CAPS2: variants seen among roughly 807,000 people sequenced by gnomAD.
CAPS2 encodes calcyphosin-2.
In CAPS2, 98 loss-of-function variants were observed where a neutral mutation model predicts 86.5. The ratio of observed to expected loss-of-function variants is 1.13; its 90% CI spans 0.96 to 1.34. The LOEUF (loss-of-function observed/expected upper bound fraction) is 1.34. Ranked by LOEUF, CAPS2 falls within the 40% of genes most tolerant of loss-of-function variation. The pLI, the probability that CAPS2 is intolerant of heterozygous loss-of-function variation, is 0.00. For synonymous variants in CAPS2, 210 were observed against 225.1 expected (o/e 0.93, Z 0.60); for missense variants, 729 against 686.8 (o/e 1.06, Z -0.69).
chr12:75,365,042 G>A (rs933377143), intron 1 of CAPS2: 6 of 152,090 alleles, frequency 3.9e-5, no homozygotes, highest in Non-Finnish European at 5.9e-5. Context: ...TTCATTGAGA[G>A]GATCTGAACT....
chr12:75,318,696 C>T (rs984217270), intron 5 of CAPS2, among the ~76,000 whole-genome samples: 1 of 152,118 alleles, frequency 6.6e-6, no homozygotes, highest in Non-Finnish European at 1.5e-5. Context: ...TCCTAGATCC[C>T]TTCTATACAC....
intron 1 of CAPS2, among the ~76,000 whole-genome samples, chr12:75,389,788 G>C (rs2045481087): frequency 6.6e-6 from 1 of 152,124 alleles, no homozygotes; most frequent in Admixed American, 6.5e-5. Flanking sequence ...CCAAGCAATA[G>C]AATTTTGGCT....
intron 11 of CAPS2, among the ~76,000 whole-genome samples, chr12:75,295,790 A>G (rs2036775687): frequency 6.6e-6 from 1 of 152,226 alleles, no homozygotes; most frequent in African/African-American, 2.4e-5. Context: ...AAAAGAACAG[A>G]GAAGGTATGT....
At chr12:75,347,294 T>A (rs1463965647) in intron 1 of CAPS2, among the ~76,000 whole-genome samples, 1 of 152,118 alleles carries the variant, frequency 6.6e-6, no homozygotes, top group East Asian at 1.9e-4. Flanking sequence ...TGTATGATAT[T>A]CCCAGGGATA....
At chr12:75,365,100 T>C (rs928789867) in intron 1 of CAPS2, 1 of 152,146 alleles carries the variant, frequency 6.6e-6, no homozygotes, top group Non-Finnish European at 1.5e-5. Flanking sequence ...CAACCACCTC[T>C]TGCACAATAG....
chr12:75,378,627 C>G (rs1169020883), intron 1 of CAPS2, among the ~76,000 whole-genome samples: 1 of 152,130 alleles, frequency 6.6e-6, no homozygotes, highest in African/African-American at 2.4e-5. Context: ...GGCAGGATTT[C>G]TTTTTAAGAA....
intron 1 of CAPS2, among the ~76,000 whole-genome samples, chr12:75,353,444 GGAA>G (rs1234616805): frequency 6.6e-6 from 1 of 152,160 alleles, no homozygotes; most frequent in Non-Finnish European, 1.5e-5. Context: ...GACTGAACCA[GGAA>G]GAAGTTGAAT....
chr12:75,331,005 G>A (rs1043923958), upstream of CAPS2, among the ~76,000 whole-genome samples: 2 of 152,058 alleles, frequency 1.3e-5, no homozygotes, highest in Admixed American at 6.5e-5. Context: ...GGCTGGTCTC[G>A]AACTCCTGAC....
intron 11 of CAPS2, among the ~76,000 whole-genome samples, chr12:75,297,625 C>T (rs2037126404): frequency 2.6e-5 from 4 of 152,114 alleles, no homozygotes; most frequent in Admixed American, 2.6e-4. Flanking sequence ...CCATTCCATC[C>T]ACATCTTCTC....
intron 1 of CAPS2, among the ~76,000 whole-genome samples, chr12:75,377,712 G>T (rs1194546610): frequency 6.6e-6 from 1 of 151,892 alleles, no homozygotes; most frequent in African/African-American, 2.4e-5. Context: ...ATTGAGGGTG[G>T]GTCTGCCTCT....
chr12:75,359,357 C>CTTTTTTTTTTGTTTT (rs2043399628), intron 1 of CAPS2, among the ~76,000 whole-genome samples: 1 of 28,600 alleles, frequency 3.5e-5, no homozygotes, highest in Non-Finnish European at 6.6e-5. Flanking sequence ...GCATTGTTGT[C>CTTTTTTTTTTGTTTT]TTTTTTTTTT....
chr12:75,334,392 G>T (rs1321577607), upstream of CAPS2: 1 of 870,670 alleles, frequency 1.1e-6, no homozygotes, highest in Non-Finnish European at 1.4e-6. Flanking sequence ...TACCTAACTT[G>T]TGTGGCTTGC....
At chr12:75,356,252 C>A (rs1364076342) in intron 1 of CAPS2, among the ~76,000 whole-genome samples, 1 of 152,006 alleles carries the variant, frequency 6.6e-6, no homozygotes, top group Non-Finnish European at 1.5e-5. Flanking sequence ...ATAAAACTGT[C>A]AACTGAAAAT....
upstream of CAPS2, chr12:75,334,667 G>A (rs2041586706): frequency 3.2e-6 from 5 of 1,562,314 alleles, no homozygotes; most frequent in African/African-American, 1.4e-5. Context: ...GGGAAATCGG[G>A]TTGCCCCAGC....
intron 16 of CAPS2, among the ~76,000 whole-genome samples, 192 bp downstream of exon 16, chr12:75,282,059 T>G (rs1327004841): frequency 6.6e-6 from 1 of 152,106 alleles, no homozygotes; most frequent in Non-Finnish European, 1.5e-5. Context: ...TATCAAATAA[T>G]CAAATGAGTA....
chr12:75,290,741 C>A (rs986166872), intron 13 of CAPS2, among the ~76,000 whole-genome samples: 5 of 151,776 alleles, frequency 3.3e-5, no homozygotes, highest in African/African-American at 1.2e-4. Flanking sequence ...CATAGCAAGA[C>A]CCTGTCTCTA....
exon 17 of CAPS2, chr12:75,278,500 A>T: frequency 1.0e-6 from 1 of 988,234 alleles, no homozygotes; most frequent in Non-Finnish European, 1.2e-6. Flanking sequence ...AGCAAAAAAC[A>T]ATGTGAAAGG....
intron 9 of CAPS2, 89 bp downstream of exon 9, chr12:75,299,748 T>G (rs1053970688): frequency 1.7e-6 from 1 of 587,230 alleles, no homozygotes; most frequent in African/African-American, 2.0e-5. Flanking sequence ...GACACAAACC[T>G]ATATAATCTC....
intron 14 of CAPS2, among the ~76,000 whole-genome samples, chr12:75,287,086 A>G (rs187063809): frequency 3.3e-5 from 5 of 150,792 alleles, no homozygotes; most frequent in Admixed American, 2.7e-4. Context: ...ACACAAACAC[A>G]CACATATATA....
Sources: allele counts gnomAD v4.1 joint callset (sites outside exome capture counted in the v4.1 genomes callset), GRCh38; gene constraint gnomAD v4.1.1; transcripts MANE v1.5; gene names NCBI Gene and HGNC (gene_info 2026-07-23, HGNC 2026-07-21).